Variants in PPP1R14A observed in about 807,000 individuals in gnomAD.
The protein encoded by PPP1R14A is protein phosphatase 1 regulatory inhibitor subunit 14A.
PPP1R14A carries 9 observed loss-of-function variants against 14.1 expected under a neutral mutation model. That is an observed-to-expected ratio of 0.64 (90% CI 0.38 to 1.11). The LOEUF is 1.11. PPP1R14A is among the 50% of genes most tolerant of loss of function. PPP1R14A has a pLI of 0.01. For missense variants in PPP1R14A, 208 were observed against 200.7 expected, an observed-to-expected ratio of 1.04 and a Z score of -0.22; for synonymous variants, 93 against 88.7, an observed-to-expected ratio of 1.05 and a Z score of -0.27.
At chr19:38,251,531 G>T in intron 3 of PPP1R14A, 85 bp from the exon 4 acceptor site, 1 of 1,293,998 alleles carries the variant, frequency 7.7e-7, no homozygotes, top group Non-Finnish European at 1.0e-6. Flanking sequence ...TGACCTGGGC[G>T]CCTCCTCCTG....
intron 3 of PPP1R14A, chr19:38,251,921 G>A (rs571302331): frequency 5.0e-5 from 18 of 357,684 alleles, no homozygotes; most frequent in South Asian, 3.7e-4. Context: ...GGGTTGGGCC[G>A]CTCAGCTTCA....
chr19:38,251,424 G>A lies in PPP1R14A; in HGVS notation c.338C>T (p.Ala113Val). Residue 113 changes from alanine (A) to valine (V), a missense_variant, in exon 4 of 4, where the codon GCA becomes GTA. Physicochemically the swap from Ala to Val is moderately conservative, Grantham distance 64. Coordinates refer to ENST00000301242, the MANE Select transcript of PPP1R14A (RefSeq NM_033256.3). ...PVEDFIQELLAKLQGLHRQPG... is the reference protein window; with the variant it reads ...PVEDFIQELLVKLQGLHRQPG... The stretch of plus-strand genomic sequence containing the variant: ...CTGCCTGTGGAGGCCTTGAAGCTTT[G>A]CCAGCAGCTCCTGGATGAAGTCCTG... 1 of 1,569,174 alleles carries A rather than the reference G, an allele frequency of 6.4e-7. No homozygotes were observed. Among genetic ancestry groups the A allele is most frequent in the East Asian group, 2.4e-5 (1 of 40,898 alleles).
Position 38,255,345 on chromosome 19 carries a change from T to C in PPP1R14A, c.201+794A>G, listed in dbSNP as rs184616931. Among the ~76,000 whole-genome samples, 152 of 152,232 alleles carry C rather than the reference T, an allele frequency of 1.0e-3. No individual in the cohort carries two copies. The East Asian group carries it at 0.027, about 27-fold the overall frequency. The stretch of plus-strand genomic sequence containing the variant: ...GTTTTCCCCATGTTGCCCAGGCTGG[T>C]GTTGAACTCCTGACGTCAAGCAATC... On this transcript the variant is annotated intron_variant, in intron 1 of 3. Transcript: ENST00000301242.
intron 1 of PPP1R14A, among the ~76,000 whole-genome samples, chr19:38,254,315 T>G (rs1968222565): frequency 7.4e-6 from 1 of 135,124 alleles, no homozygotes; most frequent in Non-Finnish European, 1.6e-5. Flanking sequence ...TTCTTTTTTC[T>G]TTTTTTTGAG....
In PPP1R14A at chr19:38,252,247, C is replaced by T; in HGVS notation, c.315+59G>A. On this transcript the variant is annotated intron_variant, in intron 3 of 3. Coordinates refer to ENST00000301242, the MANE Select transcript of PPP1R14A (RefSeq NM_033256.3). The surrounding 1 kb of genome is among the most constrained non-coding windows in gnomAD (Gnocchi z 4.1). ...AGACCCTTCTGCCAGCTTCTTCCCC[C>T]TCCCCCATCAGAGTACTTGGGGCCA... is the stretch of plus-strand genomic sequence containing the variant. The T allele has an allele frequency of 1.3e-6, 2 of 1,554,776 alleles. No homozygotes were observed. The highest frequency in any genetic ancestry group is 1.8e-6 in the Non-Finnish European group (2 of 1,134,666).
chr19:38,254,601 G>T (rs939266699), intron 1 of PPP1R14A, among the ~76,000 whole-genome samples: 1 of 151,980 alleles, frequency 6.6e-6, no homozygotes, highest in Non-Finnish European at 1.5e-5. Flanking sequence ...CACTGTGCTC[G>T]GCCAATGAGG....
Position 38,252,867 on chromosome 19 carries a change from G to T in PPP1R14A, c.282+27C>A. On this transcript the variant is annotated intron_variant, in intron 2 of 3. Coordinates refer to ENST00000301242, the MANE Select transcript of PPP1R14A (RefSeq NM_033256.3). The surrounding 1 kb of genome is among the most constrained non-coding windows in gnomAD (Gnocchi z 4.1). Reference sequence around the variant, plus strand: ...ATTTTTAGGGAGGTGCAAAGTGGGAGGCTGGGGGACACGTCCCCCCACCTA... The same window carrying T: ...ATTTTTAGGGAGGTGCAAAGTGGGATGCTGGGGGACACGTCCCCCCACCTA... The T allele has an allele frequency of 6.5e-7, 1 of 1,540,582 alleles. No homozygotes were observed. Among genetic ancestry groups the T allele is most frequent in the Non-Finnish European group, 9.0e-7 (1 of 1,113,042 alleles).
At chr19:38,253,367 G>A (rs1402087273) in intron 1 of PPP1R14A, 2 of 166,766 alleles carry the variant, frequency 1.2e-5, no homozygotes, top group East Asian at 1.8e-4. Context: ...ACTAGGTGCA[G>A]GGGAGGAGAG....
rs1028402834 is a variant in PPP1R14A, at chr19:38,253,072, C to G, written c.202-98G>C. On this transcript the variant is annotated intron_variant, in intron 1 of 3. Coordinates refer to ENST00000301242, the MANE Select transcript of PPP1R14A (RefSeq NM_033256.3). ...GAGCCCCACCGGCCCCAGGGCCCAG[C>G]TGGCGGGTTCTGGAGCATTAATGTG... is the stretch of plus-strand genomic sequence containing the variant. 3.1e-5 allele frequency: 28 copies of G among 897,180 alleles called. 1 individual carries two copies. The East Asian group carries it at 6.7e-4, about 22-fold the overall frequency. 55.6% of individuals were successfully genotyped at this position (897,180 alleles called of 1,614,324 possible). A position where few individuals can be genotyped will look rare whatever the true frequency, so the allele number is the denominator to read the frequency against.
chr19:38,254,378 C>T (rs1968223553), intron 1 of PPP1R14A, among the ~76,000 whole-genome samples: 1 of 152,134 alleles, frequency 6.6e-6, no homozygotes, highest in African/African-American at 2.4e-5. Context: ...GATCTTGGCT[C>T]ACTGCAACCT....
rs1367520726 is a variant in PPP1R14A, at chr19:38,253,160, G to A, written c.202-186C>T. 6 of 585,756 alleles carry A rather than the reference G, an allele frequency of 1.0e-5. No individual in the cohort carries two copies. In the Admixed American group the frequency reaches 1.8e-4, roughly 18 times the overall value. 36.3% of individuals were successfully genotyped at this position (585,756 alleles called of 1,614,324 possible). A position where few individuals can be genotyped will look rare whatever the true frequency, so the allele number is the denominator to read the frequency against. On this transcript the variant is annotated intron_variant, in intron 1 of 3. Transcript: ENST00000301242. ...GTGTTGGGGGGGAGGGGTGACAGAT[G>A]GGCTGAGAGAGCCCCGGGGCCCTGT...
chr19:38,255,996 GC>G, intron 1 of PPP1R14A, 142 bp downstream of exon 1: 1 of 715,932 alleles, frequency 1.4e-6, no homozygotes. Context: ...GCCAATGAGT[GC>G]CCGGCCCTGG....
Position 38,252,132 on chromosome 19 carries a change from T to C in PPP1R14A, c.315+174A>G, listed in dbSNP as rs1600316231. ...TGGGGGAGAGAGGGAGAGAGACAAG[T>C]AGGAGGACAAAAGACACCCCTGGAG... On this transcript the variant is annotated intron_variant, in intron 3 of 3. Transcript: ENST00000301242. This position sits in a 1 kb window ranked among gnomAD's most constrained non-coding sequence, Gnocchi z 4.1. 1.6e-6 allele frequency: 1 copy of C among 624,432 alleles called. No homozygotes were observed. The highest frequency in any genetic ancestry group is 2.7e-5 in the East Asian group (1 of 36,392). 38.7% of individuals were successfully genotyped at this position (624,432 alleles called of 1,614,324 possible).
intron 3 of PPP1R14A, chr19:38,251,815 A>G (rs1968193894): frequency 2.8e-6 from 1 of 354,524 alleles, no homozygotes; most frequent in Non-Finnish European, 5.1e-6. Flanking sequence ...CCAGAGATAG[A>G]TCCAGGGCGA....
At chr19:38,254,326 A>G (rs1403263159) in intron 1 of PPP1R14A, among the ~76,000 whole-genome samples, 1 of 151,774 alleles carries the variant, frequency 6.6e-6, no homozygotes, top group Admixed American at 6.6e-5. Flanking sequence ...TTTTTTTGAG[A>G]CAAAGTCTCC....
In PPP1R14A at chr19:38,252,192, G is replaced by A; in HGVS notation, c.315+114C>T. The A allele has an allele frequency of 1.0e-6, 1 of 999,626 alleles. No homozygotes were observed. Among genetic ancestry groups the A allele is most frequent in the Non-Finnish European group, 1.5e-6 (1 of 652,714 alleles). The allele number at this position is 999,626 out of a possible 1,614,324, so 61.9% of individuals were successfully genotyped here. ...AGCTGCGGAGGGCAGGTTGGGGCCG[G>A]GGGTGGTGGGGCCGGGTGGTGTTCC... On this transcript the variant is annotated intron_variant, in intron 3 of 3. Transcript: ENST00000301242. This position sits in a 1 kb window ranked among gnomAD's most constrained non-coding sequence, Gnocchi z 4.1.
chr19:38,252,867 G>A lies in PPP1R14A; in HGVS notation c.282+27C>T, dbSNP rs1165533473. The A allele has an allele frequency of 6.5e-6, 10 of 1,540,584 alleles. No individual in the cohort carries two copies. The East Asian group carries it at 2.0e-4, about 31-fold the overall frequency. ...ATTTTTAGGGAGGTGCAAAGTGGGA[G>A]GCTGGGGGACACGTCCCCCCACCTA... On this transcript the variant is annotated intron_variant, in intron 2 of 3. Coordinates refer to ENST00000301242, the MANE Select transcript of PPP1R14A (RefSeq NM_033256.3). The surrounding 1 kb of genome is among the most constrained non-coding windows in gnomAD (Gnocchi z 4.1).
rs966788986 is a variant in PPP1R14A, at chr19:38,256,072, G to A, written c.201+67C>T. 1.0e-5 allele frequency: 14 copies of A among 1,405,744 alleles called. No homozygotes were observed. Among genetic ancestry groups the A allele is most frequent in the South Asian group, 6.8e-5 (5 of 73,976 alleles). 87.1% of individuals were successfully genotyped at this position (1,405,744 alleles called of 1,614,324 possible). ...CAGCGAGTGTGCACCGAGACCCCAA[G>A]GGCGTGGGGTCTCCGCGCCCGGGCT... is the stretch of plus-strand genomic sequence containing the variant. On this transcript the variant is annotated intron_variant, in intron 1 of 3. Transcript: ENST00000301242. The surrounding 1 kb of genome is among the most constrained non-coding windows in gnomAD (Gnocchi z 5.7).
intron 1 of PPP1R14A, among the ~76,000 whole-genome samples, chr19:38,255,230 C>T (rs2146256823): frequency 6.6e-6 from 1 of 152,288 alleles, no homozygotes; most frequent in East Asian, 1.9e-4. Context: ...CTCAAGCAAT[C>T]CTCCCACCTC....
Sources: allele counts gnomAD v4.1 joint callset (sites outside exome capture counted in the v4.1 genomes callset), GRCh38; gene constraint gnomAD v4.1.1; non-coding constraint Gnocchi (gnomAD v3.1); transcripts MANE v1.5; gene names NCBI Gene and HGNC (gene_info 2026-07-23, HGNC 2026-07-21).